USP24: variants seen among roughly 807,000 people sequenced by gnomAD.
USP24 encodes the protein ubiquitin carboxyl-terminal hydrolase 24.
A neutral mutation model predicts 361.6 loss-of-function variants in USP24; 97 were observed. The observed-to-expected ratio is 0.27, with a 90% CI of 0.23 to 0.32. USP24 has a LOEUF of 0.32. USP24 is among the 10% of genes least tolerant of loss of function. USP24 has a pLI of 1.00. For synonymous variants in USP24, 1,098 were observed against 1,124.6 expected, an observed-to-expected ratio of 0.98 and a Z score of 0.47; for missense variants, 2,353 against 3,165.6, an observed-to-expected ratio of 0.74 and a Z score of 6.16.
intron 41 of USP24, among the ~76,000 whole-genome samples, chr1:55,104,786 A>G (rs1478490162): frequency 6.6e-6 from 1 of 152,238 alleles, no homozygotes; most frequent in African/African-American, 2.4e-5. Flanking sequence ...ACTGAGGACA[A>G]TGGCCATGGA....
intron 7 of USP24, 113 bp from the exon 8 acceptor site, chr1:55,162,377 A>C (rs1185895817): frequency 1.2e-6 from 1 of 813,184 alleles, no homozygotes; most frequent in African/African-American, 1.8e-5. Flanking sequence ...GAGTTGATCA[A>C]GTCATGAATA....
chr1:55,132,509 T>C (rs956920421), intron 31 of USP24, 36 bp downstream of exon 31: 3 of 1,585,202 alleles, frequency 1.9e-6, no homozygotes. Flanking sequence ...CAAATAGACC[T>C]GTCAAAATGA....
chr1:55,160,421 C>T (rs1021764300), intron 8 of USP24, among the ~76,000 whole-genome samples: 1 of 152,166 alleles, frequency 6.6e-6, no homozygotes, highest in African/African-American at 2.4e-5. Context: ...GTGCTCTTTT[C>T]AGCACATGCT....
At chr1:55,129,406 GCAGGGGAAATTAACTAA>G in intron 32 of USP24, 54 bp downstream of exon 32, 1 of 1,288,392 alleles carries the variant, frequency 7.8e-7, no homozygotes, top group Non-Finnish European at 1.1e-6. Flanking sequence ...GCAAGACTTT[GCAGGGGAAATTAACTAA>G]AATAACTATA....
chr1:55,193,443 T>C (rs774917719), intron 1 of USP24, among the ~76,000 whole-genome samples: 1 of 152,154 alleles, frequency 6.6e-6, no homozygotes, highest in South Asian at 2.1e-4. Context: ...ATATCTTACA[T>C]ATAGAGGGTA....
At chr1:55,096,165 T>G (rs937988055) in intron 50 of USP24, among the ~76,000 whole-genome samples, 1 of 152,218 alleles carries the variant, frequency 6.6e-6, no homozygotes, top group East Asian at 1.9e-4. Context: ...TCTGAAAATT[T>G]TAATGGATAA....
chr1:55,213,032 C>T (rs1052264389), intron 1 of USP24, among the ~76,000 whole-genome samples: 2 of 152,112 alleles, frequency 1.3e-5, no homozygotes, highest in African/African-American at 4.8e-5. Flanking sequence ...TTTCCAATCA[C>T]AGGAAATTAA....
chr1:55,192,378 AC>A (rs745988818), intron 1 of USP24, among the ~76,000 whole-genome samples: 25 of 152,360 alleles, frequency 1.6e-4, no homozygotes, highest in Non-Finnish European at 3.4e-4. Context: ...ATAAGAGACT[AC>A]CAGTGTTGCT....
intron 1 of USP24, among the ~76,000 whole-genome samples, chr1:55,209,856 T>C (rs916148398): frequency 1.3e-5 from 2 of 152,144 alleles, no homozygotes; most frequent in African/African-American, 4.8e-5. Flanking sequence ...AACATTTTCT[T>C]ATTAAAAGTA....
intron 1 of USP24, among the ~76,000 whole-genome samples, chr1:55,182,046 CTTCT>C (rs2100839114): frequency 6.6e-6 from 1 of 152,102 alleles, no homozygotes; most frequent in East Asian, 1.9e-4. Flanking sequence ...ACTCTAATGA[CTTCT>C]TTTTTATTTT....
chr1:55,215,051 G>T lies in USP24; in HGVS notation c.63C>A (p.Ala21=). Residue 21 remains alanine (A), a synonymous_variant, in exon 1 of 68, where the codon GCC becomes GCA. Transcript: ENST00000294383. The part of the protein sequence containing the change: ...TLLCMGFSDP[A]TIRKALRLAK... The stretch of plus-strand genomic sequence containing the variant: ...CCAGGCGCAGGGCCTTGCGGATGGT[G>T]GCGGGGTCTGAGAAGCCCATGCACA... 1 of 1,466,068 alleles carries T rather than the reference G, an allele frequency of 6.8e-7. No homozygotes were observed. Among genetic ancestry groups the T allele is most frequent in the East Asian group, 2.8e-5 (1 of 35,378 alleles). 90.8% of individuals were successfully genotyped at this position (1,466,068 alleles called of 1,614,324 possible).
intron 6 of USP24, 148 bp from the exon 7 acceptor site, chr1:55,166,098 T>C (rs964973721): frequency 2.4e-5 from 14 of 582,160 alleles, no homozygotes; most frequent in African/African-American, 3.8e-5. Flanking sequence ...AAGCACATCA[T>C]GGAGAATGGG....
chr1:55,124,664 T>C (rs1051846996), intron 34 of USP24, 36 bp from the exon 35 acceptor site: 1 of 1,609,252 alleles, frequency 6.2e-7, no homozygotes, highest in Non-Finnish European at 8.5e-7. Context: ...GAAAGAGCAA[T>C]ACTTGAACAC....
chr1:55,088,675 G>C (rs914527701), intron 55 of USP24, among the ~76,000 whole-genome samples: 1 of 152,102 alleles, frequency 6.6e-6, no homozygotes, highest in African/African-American at 2.4e-5. Flanking sequence ...CAGAGTGAAG[G>C]AGGAGCCCAC....
chr1:55,078,693 A>T, intron 60 of USP24, 42 bp from the exon 61 acceptor site: 1 of 1,484,164 alleles, frequency 6.7e-7, no homozygotes. Flanking sequence ...CTCATGTCAC[A>T]GTTAACACTC....
chr1:55,165,812 C>A, intron 7 of USP24, 73 bp downstream of exon 7: 1 of 1,313,140 alleles, frequency 7.6e-7, no homozygotes, highest in Non-Finnish European at 1.0e-6. Flanking sequence ...ATGTCCAGAC[C>A]ATATCCTCTG....
chr1:55,143,238 G>C (rs1263590635), intron 21 of USP24, 119 bp from the exon 22 acceptor site: 1 of 721,886 alleles, frequency 1.4e-6, no homozygotes, highest in Non-Finnish European at 2.1e-6. Context: ...TATGAATTAA[G>C]GCTGCAAAAC....
chr1:55,191,596 T>G (rs113004307), intron 1 of USP24, among the ~76,000 whole-genome samples: 3,560 of 151,848 alleles, frequency 0.023, 76 homozygotes, highest in East Asian at 0.054. Flanking sequence ...GTTCAAGCGA[T>G]TCTCCTGTCT....
chr1:55,102,792 A>G (rs571149941), intron 42 of USP24, among the ~76,000 whole-genome samples: 2 of 152,386 alleles, frequency 1.3e-5, no homozygotes, highest in East Asian at 1.9e-4. Flanking sequence ...AAGGAAAAAC[A>G]TAAGAAGTTC....
Sources: gnomAD v4.1 joint callset for allele counts (sites outside exome capture counted in the v4.1 genomes callset) on GRCh38, gnomAD v4.1.1 for gene constraint, MANE v1.5 for transcripts, NCBI Gene and HGNC (gene_info 2026-07-23, HGNC 2026-07-21) for gene names.